MAPRE2: variants seen among roughly 807,000 people sequenced by gnomAD.
MAPRE2 encodes microtubule-associated protein RP/EB family member 2.
In MAPRE2, 13 loss-of-function variants were observed where a neutral mutation model predicts 43.2. The observed-to-expected ratio is 0.30, with a 90% CI of 0.20 to 0.48. The LOEUF (loss-of-function observed/expected upper bound fraction) is 0.48, where lower values mean the gene tolerates loss of function less well. Among genes scored for constraint, MAPRE2 ranks in the 20% least tolerant of loss-of-function variants. MAPRE2 has a pLI of 0.99. For synonymous variants in MAPRE2, 135 were observed against 148.8 expected (o/e 0.91, Z 0.68); for missense variants, 161 against 400.2 (o/e 0.40, Z 5.10).
intron 2 of MAPRE2, among the ~76,000 whole-genome samples, chr18:35,014,229 C>T (rs1202836910): frequency 6.6e-5 from 10 of 151,808 alleles, no homozygotes; most frequent in Admixed American, 5.9e-4. Flanking sequence ...GTGGTAGGGT[C>T]GGAGATATAA....
chr18:34,979,180 C>T (rs952562313), intron 1 of MAPRE2, among the ~76,000 whole-genome samples: 2 of 152,156 alleles, frequency 1.3e-5, no homozygotes, highest in African/African-American at 2.4e-5. Flanking sequence ...TTTTTCCCTT[C>T]CCTGGCTAGG....
At chr18:35,025,399 G>A (rs2097044538) in intron 2 of MAPRE2, among the ~76,000 whole-genome samples, 1 of 152,190 alleles carries the variant, frequency 6.6e-6, no homozygotes. Context: ...ATAGGAAATA[G>A]CAATGCTATA....
rs545474349 is a variant in MAPRE2 at position 35,061,942 on chromosome 18, C to G, written c.123-8253C>G. On this transcript the variant is annotated intron_variant, in intron 1 of 6. Transcript: ENST00000300249. ...GGTGAAATGTTTAAATCCTGCCTCT[C>G]GAGGTATTGAACCTAGAGAATGAAT... Among the ~76,000 whole-genome samples the G allele has an allele frequency of 2.6e-4, 40 of 152,288 alleles. No individual in the cohort carries two copies. In the South Asian group the frequency reaches 8.3e-3, roughly 32 times the overall value.
intron 1 of MAPRE2, among the ~76,000 whole-genome samples, chr18:34,993,730 G>C (rs192422196): frequency 7.2e-5 from 11 of 152,274 alleles, no homozygotes; most frequent in Middle Eastern, 3.4e-3. Flanking sequence ...TGGACCAGAG[G>C]TACAGCTCCA....
At chr18:35,078,671 A>G (rs75358094) in intron 2 of MAPRE2, among the ~76,000 whole-genome samples, 1 of 152,194 alleles carries the variant, frequency 6.6e-6, no homozygotes, top group Non-Finnish European at 1.5e-5. Context: ...GTGTTTGCCC[A>G]TGTGGATGTG....
chr18:35,095,415 C>G (rs570920527), intron 2 of MAPRE2, among the ~76,000 whole-genome samples: 1 of 151,314 alleles, frequency 6.6e-6, no homozygotes. Context: ...CACACACACT[C>G]CTTTCCAAAG....
intron 2 of MAPRE2, among the ~76,000 whole-genome samples, chr18:35,014,890 A>G (rs1458516263): frequency 6.6e-6 from 1 of 152,248 alleles, no homozygotes; most frequent in African/African-American, 2.4e-5. Flanking sequence ...TGGCATTGCC[A>G]TAGATTTTTG....
upstream of MAPRE2, among the ~76,000 whole-genome samples, chr18:35,039,456 T>C (rs1260839928): frequency 6.6e-6 from 1 of 152,206 alleles, no homozygotes; most frequent in East Asian, 1.9e-4. Flanking sequence ...TTGGATCTGA[T>C]TGTATAAGAA....
rs1280797170 is a variant in MAPRE2, at chr18:35,023,532, C to CAT, written c.-8+17991_-8+17992dup. ...TTCGCAAAAAATATATATATATATA[C>CAT]ATATATATATATAAATTGTTTACAT... is the stretch of plus-strand genomic sequence containing the variant. On this transcript the variant is annotated intron_variant, in intron 2 of 7. Coordinates refer to the MAPRE2 transcript ENST00000413393. 5.5e-4 allele frequency among the ~76,000 whole-genome samples: 77 copies of CAT among 140,430 alleles called. 1 individual carries two copies. The highest frequency in any genetic ancestry group is 1.4e-3 in the African/African-American group (48 of 34,794). 92.1% of individuals were successfully genotyped at this position (140,430 alleles called of 152,430 possible).
chr18:35,141,627 T>C lies in MAPRE2; in HGVS notation c.*1258T>C, dbSNP rs1375950227. The stretch of plus-strand genomic sequence containing the variant: ...TATTTTTTAACTAATATTTGTACAT[T>C]TTCTTAGTCTCTTTCCAAGTCTTTG... On this transcript the variant is annotated 3_prime_UTR_variant, in exon 7 of 7. Transcript: ENST00000300249. 3.3e-5 allele frequency: 5 copies of C among 152,156 alleles called. No homozygotes were observed. Among genetic ancestry groups the C allele is most frequent in the Admixed American group, 3.3e-4 (5 of 15,282 alleles). 9.4% of individuals were successfully genotyped at this position (152,156 alleles called of 1,614,324 possible). A position where few individuals can be genotyped will look rare whatever the true frequency, so the allele number is the denominator to read the frequency against.
chr18:35,050,184 C>G (rs1043592618), intron 1 of MAPRE2, among the ~76,000 whole-genome samples: 1 of 151,832 alleles, frequency 6.6e-6, no homozygotes, highest in Non-Finnish European at 1.5e-5. Context: ...AATGCATTAC[C>G]TCATCAATCA....
intron 6 of MAPRE2, among the ~76,000 whole-genome samples, 156 bp downstream of exon 6, chr18:35,132,346 A>C (rs1910195613): frequency 6.6e-6 from 1 of 152,256 alleles, no homozygotes; most frequent in Admixed American, 6.5e-5. Flanking sequence ...AAACATCGTT[A>C]TCATCATGAT....
At chr18:35,100,262 TA>T (rs1418749649) in intron 3 of MAPRE2, among the ~76,000 whole-genome samples, 1 of 152,146 alleles carries the variant, frequency 6.6e-6, no homozygotes, top group African/African-American at 2.4e-5. Context: ...CCATTTTCTT[TA>T]AAAAAACAGC....
intron 2 of MAPRE2, among the ~76,000 whole-genome samples, chr18:35,016,357 T>A (rs1444046953): frequency 6.6e-6 from 1 of 152,038 alleles, no homozygotes; most frequent in Non-Finnish European, 1.5e-5. Flanking sequence ...AATGTAGTTC[T>A]GTTTAAGTTC....
At chr18:35,068,501 A>AT (rs1453645704) in intron 1 of MAPRE2, among the ~76,000 whole-genome samples, 14 of 152,232 alleles carry the variant, frequency 9.2e-5, no homozygotes, top group African/African-American at 3.4e-4. Flanking sequence ...AATATGTTTA[A>AT]GTCCATGGAT....
At chr18:35,097,792 C>T (rs144837386) in intron 3 of MAPRE2, among the ~76,000 whole-genome samples, 209 of 152,186 alleles carry the variant, frequency 1.4e-3, no homozygotes, top group Non-Finnish European at 2.5e-3. Flanking sequence ...AAACTTGTAG[C>T]CAGTAGACTA....
chr18:35,132,055 T>C lies in MAPRE2; in HGVS notation c.774T>C (p.Leu258=), dbSNP rs1381651109. Residue 258 remains leucine, a synonymous_variant, in exon 6 of 7, where the codon CTT becomes CTC. Transcript: ENST00000300249. ...NEQVHSLKLA[L]EGVEKERDFY... ...AGGTACATTCATTAAAACTTGCCCT[T>C]GAAGGCGTGGAAAAGGAAAGGGATT... 3 of 1,614,214 alleles carry C rather than the reference T, an allele frequency of 1.9e-6. No homozygotes were observed. The highest frequency in any genetic ancestry group is 1.7e-5 in the Admixed American group (1 of 60,028).
Position 35,102,178 on chromosome 18 carries a change from T to A in MAPRE2, c.610+19T>A. 1 of 1,540,966 alleles carries A rather than the reference T, an allele frequency of 6.5e-7. No individual in the cohort carries two copies. Among genetic ancestry groups the A allele is most frequent in the South Asian group, 1.3e-5 (1 of 79,472 alleles). On this transcript the variant is annotated intron_variant, in intron 4 of 6. Coordinates refer to ENST00000300249, the MANE Select transcript of MAPRE2 (RefSeq NM_014268.4). ...ACAGCAGGTATTGTCACAATGAGATTGCGGGAGTTGCTTTCATCTTTGATA... is the reference window on the plus strand; with the variant it reads ...ACAGCAGGTATTGTCACAATGAGATAGCGGGAGTTGCTTTCATCTTTGATA...
At chr18:35,073,954 A>G (rs569454916) in intron 2 of MAPRE2, among the ~76,000 whole-genome samples, 12 of 152,358 alleles carry the variant, frequency 7.9e-5, no homozygotes, top group African/African-American at 2.6e-4. Context: ...TCCCAAGAAT[A>G]TAACCTCATG....
Sources: allele counts gnomAD v4.1 joint callset (sites outside exome capture counted in the v4.1 genomes callset), GRCh38; gene constraint gnomAD v4.1.1; transcripts MANE v1.5; gene names NCBI Gene and HGNC (gene_info 2026-07-23, HGNC 2026-07-21).